SNW1: variants seen among roughly 807,000 people sequenced by gnomAD.
The protein encoded by SNW1 is SNW domain-containing protein 1.
In SNW1, 9 loss-of-function variants were observed where a neutral mutation model predicts 75.6. The ratio of observed to expected loss-of-function variants is 0.12; its 90% CI spans 0.07 to 0.21. The LOEUF (loss-of-function observed/expected upper bound fraction) is 0.21. Ranked by LOEUF, SNW1 falls within the 10% of genes least tolerant of loss-of-function variation. The pLI is 1.00. For synonymous variants in SNW1, 200 were observed against 219.1 expected (o/e 0.91, Z 0.77); for missense variants, 409 against 670.9 (o/e 0.61, Z 4.31).
At chr14:77,751,552 CAAGT>C in intron 2 of SNW1, 72 bp from the exon 3 acceptor site, 1 of 1,275,740 alleles carries the variant, frequency 7.8e-7, no homozygotes, top group Non-Finnish European at 1.1e-6. Flanking sequence ...ATTCATTCAA[CAAGT>C]AATTGTTGAG....
In SNW1 at chr14:77,760,616, T is replaced by C. The variant is rs73307598; in HGVS notation, c.14+498A>G. ...AGACGGCGGTCACTACTGTGGCTCATTTAAATCTGTGTTCAGCTCCGGGCC... is the reference window on the plus strand; with the variant it reads ...AGACGGCGGTCACTACTGTGGCTCACTTAAATCTGTGTTCAGCTCCGGGCC... On this transcript the variant is annotated intron_variant, in intron 1 of 13. Transcript: ENST00000261531. 3.0e-3 allele frequency: 2,079 copies of C among 702,158 alleles called. 27 individuals are homozygous for C. The African/African-American group carries it at 0.032, about 11-fold the overall frequency. The allele number at this position is 702,158 out of a possible 1,614,324, so 43.5% of individuals were successfully genotyped here.
At chr14:77,734,881 G>A (rs1230509867) in intron 8 of SNW1, 66 bp downstream of exon 8, 7 of 1,039,148 alleles carry the variant, frequency 6.7e-6, no homozygotes, top group Middle Eastern at 2.1e-4. Context: ...TATGCAGGCT[G>A]TAGTTGTTTT....
chr14:77,734,462 G>A (rs947976212), intron 8 of SNW1, among the ~76,000 whole-genome samples: 13 of 152,180 alleles, frequency 8.5e-5, no homozygotes, highest in African/African-American at 2.2e-4. Flanking sequence ...ATATGGGGCC[G>A]GGTGCGGTGG....
chr14:77,757,729 T>G (rs1477825416), intron 1 of SNW1, among the ~76,000 whole-genome samples: 1 of 152,222 alleles, frequency 6.6e-6, no homozygotes, highest in East Asian at 1.9e-4. Context: ...CGCCTTATGC[T>G]TCTTTCATCC....
Position 77,755,089 on chromosome 14 carries a change from C to A in SNW1, c.46G>T (p.Asp16Tyr). Residue 16 changes from aspartate to tyrosine, a missense_variant, in exon 2 of 14, where the codon GAC becomes TAC. By Grantham distance (160) the Asp-to-Tyr change is radical. Around this residue, in one of 9 missense-constraint regions of SNW1, gnomAD observed 73 missense variants for 68.3 expected, o/e 1.07. Coordinates refer to ENST00000261531, the MANE Select transcript of SNW1 (RefSeq NM_012245.3). ...FLPAPTQLSQ[D>Y]QLEAEEKARS... is the part of the protein sequence containing the mutation. Reference sequence around the variant, plus strand: ...GCCTTTTCTTCAGCCTCAAGCTGGTCCTGAGATAGCTGAGTAGGTGCAGGT... The same window carrying A: ...GCCTTTTCTTCAGCCTCAAGCTGGTACTGAGATAGCTGAGTAGGTGCAGGT... 6.2e-7 allele frequency: 1 copy of A among 1,612,898 alleles called. No individual in the cohort carries two copies. The highest frequency in any genetic ancestry group is 8.5e-7 in the Non-Finnish European group (1 of 1,179,936).
Position 77,761,112 on chromosome 14 carries a change from A to C in SNW1, c.14+2T>G. 6.2e-7 allele frequency: 1 copy of C among 1,614,150 alleles called. No homozygotes were observed. The highest frequency in any genetic ancestry group is 8.5e-7 in the Non-Finnish European group (1 of 1,180,026). The stretch of plus-strand genomic sequence containing the variant: ...TATCGAGGACCCCAATCAACAACCC[A>C]CCTGGTGAGCGCCATCTTCTTCCGC... On this transcript the variant is annotated splice_donor_variant, in intron 1 of 13. Transcript: ENST00000261531. LOFTEE classifies it high-confidence loss of function.
intron 1 of SNW1, among the ~76,000 whole-genome samples, chr14:77,758,315 C>CAAAAAAAAAAAA (rs55707854): frequency 3.1e-4 from 27 of 85,820 alleles, no homozygotes; most frequent in South Asian, 5.1e-4. Flanking sequence ...GACTCTGCCA[C>CAAAAAAAAAAAA]AAAAAAAAAA....
At chr14:77,724,041 G>C (rs915495334) in intron 10 of SNW1, among the ~76,000 whole-genome samples, 1 of 152,154 alleles carries the variant, frequency 6.6e-6, no homozygotes, top group Non-Finnish European at 1.5e-5. Context: ...GTGAATTCTA[G>C]AATCAAGCAT....
At chr14:77,718,707 T>C (rs914859972) in intron 12 of SNW1, among the ~76,000 whole-genome samples, 177 bp from the exon 13 acceptor site, 3 of 151,890 alleles carry the variant, frequency 2.0e-5, no homozygotes, top group Admixed American at 1.3e-4. Flanking sequence ...ATAACAACTT[T>C]GGATTCTTTT....
Position 77,738,605 on chromosome 14 carries a change from A to G in SNW1, c.533+173T>C, listed in dbSNP as rs1595082951. 10 of 603,952 alleles carry G rather than the reference A, an allele frequency of 1.7e-5. No homozygotes were observed. In the East Asian group the frequency reaches 2.8e-4, roughly 17 times the overall value. The allele number at this position is 603,952 out of a possible 1,614,324, so 37.4% of individuals were successfully genotyped here. On this transcript the variant is annotated intron_variant, in intron 5 of 13. Transcript: ENST00000261531. ...AAAACAAACAAAAACCAAAGTGGAC[A>G]CCTTAAAAAATTCTGCTTTCAATTG... is the stretch of plus-strand genomic sequence containing the variant.
chr14:77,744,046 T>C (rs2080739020), intron 3 of SNW1, among the ~76,000 whole-genome samples: 1 of 151,028 alleles, frequency 6.6e-6, no homozygotes, highest in Admixed American at 6.6e-5. Context: ...TAGTCGCTCA[T>C]GCCTGTAATC....
intron 1 of SNW1, among the ~76,000 whole-genome samples, chr14:77,758,369 C>A (rs1482993065): frequency 2.2e-5 from 3 of 138,920 alleles, no homozygotes; most frequent in South Asian, 2.4e-4. Flanking sequence ...ATAGAAAATT[C>A]TTCTCCAGAT....
In SNW1 at chr14:77,761,131, C is replaced by T. The variant is rs779916214; in HGVS notation, c.-4G>A. 8 of 1,614,150 alleles carry T rather than the reference C, an allele frequency of 5.0e-6. No individual in the cohort carries two copies. The highest frequency in any genetic ancestry group is 3.3e-5 in the Admixed American group (2 of 60,012). ...CAACCCACCTGGTGAGCGCCATCTT[C>T]TTCCGCTTCTTCCAGCGCGAGCGAC... On this transcript the variant is annotated 5_prime_UTR_variant, in exon 1 of 14. Coordinates refer to ENST00000261531, the MANE Select transcript of SNW1 (RefSeq NM_012245.3).
At chr14:77,758,611 G>A (rs949113261) in intron 1 of SNW1, among the ~76,000 whole-genome samples, 1 of 152,106 alleles carries the variant, frequency 6.6e-6, no homozygotes, top group Non-Finnish European at 1.5e-5. Context: ...CATGTATTAC[G>A]TGAAATTGCA....
intron 3 of SNW1, among the ~76,000 whole-genome samples, chr14:77,750,307 T>C (rs532615466): frequency 3.9e-4 from 59 of 152,320 alleles, no homozygotes; most frequent in Admixed American, 7.2e-4. Context: ...AAGTGCAGGA[T>C]GAAGAAAATT....
intron 12 of SNW1, among the ~76,000 whole-genome samples, chr14:77,719,761 G>A (rs2080523622): frequency 6.6e-6 from 1 of 152,182 alleles, no homozygotes; most frequent in African/African-American, 2.4e-5. Context: ...AGAGATAATA[G>A]TATTATTTCA....
chr14:77,738,688 G>T, intron 5 of SNW1, 90 bp downstream of exon 5: 2 of 845,768 alleles, frequency 2.4e-6, no homozygotes, highest in South Asian at 1.5e-5. Flanking sequence ...ATTTATAATG[G>T]TTGCTAAGTG....
In SNW1 at chr14:77,720,890, T is replaced by C. The variant is rs1306225448; in HGVS notation, c.1131-62A>G. On this transcript the variant is annotated intron_variant, in intron 11 of 13. Coordinates refer to ENST00000261531, the MANE Select transcript of SNW1 (RefSeq NM_012245.3). ...TTATAGACAAGCTGAATATGTTCAA[T>C]AGAAATACAACCAATCTCAGAAACA... 5 of 989,536 alleles carry C rather than the reference T, an allele frequency of 5.1e-6. No individual in the cohort carries two copies. The Admixed American group carries it at 5.5e-5, about 11-fold the overall frequency. 61.3% of individuals were successfully genotyped at this position (989,536 alleles called of 1,614,324 possible).
intron 6 of SNW1, 87 bp downstream of exon 6, chr14:77,736,884 T>C: frequency 1.0e-6 from 1 of 963,506 alleles, no homozygotes; most frequent in Non-Finnish European, 1.7e-6. Context: ...ATGTACTTGT[T>C]TTTGCCTGGC....
Sources: allele counts gnomAD v4.1 joint callset (sites outside exome capture counted in the v4.1 genomes callset), GRCh38; gene constraint gnomAD v4.1.1; regional missense constraint gnomAD v4.1.1; transcripts MANE v1.5; gene names NCBI Gene and HGNC (gene_info 2026-07-23, HGNC 2026-07-21).